STAG1: variants seen among roughly 807,000 people sequenced by gnomAD.
STAG1 encodes the protein STAG1 cohesin complex component, also known as cohesin subunit SA-1.
In STAG1, 26 loss-of-function variants were observed where a neutral mutation model predicts 170.9. That is an observed-to-expected ratio of 0.15 (90% confidence interval 0.11 to 0.21). The LOEUF (loss-of-function observed/expected upper bound fraction) is 0.21. Ranked by LOEUF, STAG1 falls within the 10% of genes least tolerant of loss-of-function variation. STAG1 has a pLI of 1.00. For synonymous variants in STAG1, 514 were observed against 497.7 expected, an observed-to-expected ratio of 1.03 and a Z score of -0.44; for missense variants, 964 against 1,509.5, an observed-to-expected ratio of 0.64 and a Z score of 5.99.
intron 1 of STAG1, among the ~76,000 whole-genome samples, chr3:136,637,872 ATT>A (rs769669998): frequency 9.2e-5 from 13 of 140,936 alleles, no homozygotes; most frequent in African/African-American, 5.2e-5. Flanking sequence ...GTGTGAACAC[ATT>A]TTTTTTTTTT....
At chr3:136,389,121 C>T (rs1038402558) in intron 22 of STAG1, among the ~76,000 whole-genome samples, 2 of 152,020 alleles carry the variant, frequency 1.3e-5, no homozygotes, top group Admixed American at 6.6e-5. Flanking sequence ...CATATTTTTA[C>T]AATGTAATAC....
chr3:136,664,063 A>G (rs1941672092), intron 1 of STAG1, among the ~76,000 whole-genome samples: 1 of 152,212 alleles, frequency 6.6e-6, no homozygotes, highest in African/African-American at 2.4e-5. Flanking sequence ...CTTCTTGCTT[A>G]AAGAGTTGAC....
intron 4 of STAG1, among the ~76,000 whole-genome samples, chr3:136,581,589 AG>A (rs1559890762): frequency 6.6e-6 from 1 of 152,198 alleles, no homozygotes; most frequent in Non-Finnish European, 1.5e-5. Context: ...CAATGCTGGT[AG>A]GAAGAGACAG....
chr3:136,684,629 C>T (rs1942449243), intron 1 of STAG1, among the ~76,000 whole-genome samples: 2 of 151,620 alleles, frequency 1.3e-5, no homozygotes, highest in South Asian at 2.1e-4. Context: ...CATGTGCCTG[C>T]AGTCCCAGCT....
intron 12 of STAG1, among the ~76,000 whole-genome samples, chr3:136,467,389 A>T: frequency 6.6e-6 from 1 of 152,200 alleles, no homozygotes; most frequent in East Asian, 1.9e-4. Context: ...CTTTAAACCA[A>T]CAAAGACAGA....
intron 14 of STAG1, among the ~76,000 whole-genome samples, chr3:136,451,084 G>A (rs2088925221): frequency 6.6e-6 from 1 of 151,468 alleles, no homozygotes; most frequent in Non-Finnish European, 1.5e-5. Context: ...AAACGAAGAA[G>A]TTAAGTTATT....
intron 1 of STAG1, among the ~76,000 whole-genome samples, chr3:136,733,913 C>T (rs1020821341): frequency 1.3e-5 from 2 of 152,116 alleles, no homozygotes; most frequent in African/African-American, 4.8e-5. Flanking sequence ...CAAGACCATC[C>T]TGGCTAACAC....
At chr3:136,409,955 G>A (rs1300662912) in intron 21 of STAG1, among the ~76,000 whole-genome samples, 6 of 151,218 alleles carry the variant, frequency 4.0e-5, no homozygotes, top group Non-Finnish European at 8.8e-5. Context: ...GTGTGGTGGT[G>A]CAAGCCTGTG....
chr3:136,388,387 G>A (rs1192912813), intron 22 of STAG1, among the ~76,000 whole-genome samples: 1 of 152,070 alleles, frequency 6.6e-6, no homozygotes, highest in African/African-American at 2.4e-5. Flanking sequence ...TTGTTTTTTT[G>A]AGATGGAGTC....
chr3:136,621,215 C>A (rs1300302573), intron 3 of STAG1, among the ~76,000 whole-genome samples: 1 of 152,096 alleles, frequency 6.6e-6, no homozygotes, highest in Non-Finnish European at 1.5e-5. Context: ...ATACAATAGC[C>A]TGCTGGTGGG....
In STAG1 at chr3:136,602,621, TG is replaced by T. The variant is rs553889982; in HGVS notation, c.297+1687del. ...ATCCCAGCACTTTGGAAGGCAGAGGTGGGTGCATCACTTGAGGTCAGGAGTT... is the reference window on the plus strand; with the variant it reads ...ATCCCAGCACTTTGGAAGGCAGAGGTGGTGCATCACTTGAGGTCAGGAGTT... On this transcript the variant is annotated intron_variant, in intron 4 of 33. Transcript: ENST00000383202. 2.7e-3 allele frequency among the ~76,000 whole-genome samples: 410 copies of T among 151,768 alleles called. 2 individuals carry two copies. Among genetic ancestry groups the T allele is most frequent in the South Asian group, 5.8e-3 (28 of 4,788 alleles).
chr3:136,718,019 A>G (rs1052560922), intron 1 of STAG1, among the ~76,000 whole-genome samples: 1 of 152,222 alleles, frequency 6.6e-6, no homozygotes, highest in Non-Finnish European at 1.5e-5. Flanking sequence ...TAAAATCCCT[A>G]AAGAGATTTC....
chr3:136,422,760 A>ATCAT lies in STAG1; in HGVS notation c.1833+4_1833+7dup. ...AACAGCTGAATTTCAATTTCATAAT[A>ATCAT]TCATTACCTTTTCCATTCTACCTGT... On this transcript the variant is annotated splice_region_variant and intron_variant, in intron 18 of 33. Coordinates refer to ENST00000383202, the MANE Select transcript of STAG1 (RefSeq NM_005862.3). 1 of 1,584,380 alleles carries ATCAT rather than the reference A, an allele frequency of 6.3e-7. No individual in the cohort carries two copies. The highest frequency in any genetic ancestry group is 2.2e-5 in the East Asian group (1 of 44,680).
chr3:136,668,391 A>T (rs1170648774), intron 1 of STAG1, among the ~76,000 whole-genome samples: 1 of 146,146 alleles, frequency 6.8e-6, no homozygotes, highest in African/African-American at 2.5e-5. Context: ...TAATATATAA[A>T]ATATATATTA....
Position 136,349,147 on chromosome 3 carries a change from G to C in STAG1, c.3271+11C>G, listed in dbSNP as rs904412636. 1 of 1,606,262 alleles carries C rather than the reference G, an allele frequency of 6.2e-7. No individual in the cohort carries two copies. Among genetic ancestry groups the C allele is most frequent in the Middle Eastern group, 1.7e-4 (1 of 6,044 alleles). On this transcript the variant is annotated intron_variant, in intron 29 of 33. Transcript: ENST00000383202. ...GGCAAATTGTTTCTTATAGTGTAAAGGCAGACTTACCTTCTACTCGTTTTT... is the reference window on the plus strand; with the variant it reads ...GGCAAATTGTTTCTTATAGTGTAAACGCAGACTTACCTTCTACTCGTTTTT...
At chr3:136,469,787 A>C (rs1263677320) in intron 12 of STAG1, among the ~76,000 whole-genome samples, 3 of 152,022 alleles carry the variant, frequency 2.0e-5, no homozygotes, top group African/African-American at 7.2e-5. Context: ...CAAAACAGAG[A>C]TATAGACCAA....
At chr3:136,468,709 C>G (rs1016094674) in intron 12 of STAG1, among the ~76,000 whole-genome samples, 5 of 152,174 alleles carry the variant, frequency 3.3e-5, no homozygotes, top group Admixed American at 3.3e-4. Context: ...ACCAATATCC[C>G]TGATGAACAT....
chr3:136,714,953 A>ATATATATATATTTTATATATATATTTT (rs1258356142), intron 1 of STAG1, among the ~76,000 whole-genome samples: 2 of 91,018 alleles, frequency 2.2e-5, no homozygotes, highest in East Asian at 4.5e-4. Context: ...ATATATATAT[A>ATATATATATATTTTATATATATATTTT]TATATATATA....
At chr3:136,555,996 C>T (rs1057079757) in intron 5 of STAG1, among the ~76,000 whole-genome samples, 3 of 152,042 alleles carry the variant, frequency 2.0e-5, no homozygotes, top group African/African-American at 7.2e-5. Context: ...GCAAACCAAA[C>T]CTAGCAATAA....
Sources: gnomAD v4.1 joint callset for allele counts (sites outside exome capture counted in the v4.1 genomes callset) on GRCh38, gnomAD v4.1.1 for gene constraint, MANE v1.5 for transcripts, NCBI Gene and HGNC (gene_info 2026-07-23, HGNC 2026-07-21) for gene names.